SUPT3H: variants seen among roughly 807,000 people sequenced by gnomAD.
SUPT3H encodes transcription initiation protein SPT3 homolog.
A neutral mutation model predicts 44.3 loss-of-function variants in SUPT3H; 44 were observed. The ratio of observed to expected loss-of-function variants is 0.99; its 90% CI spans 0.78 to 1.28. SUPT3H has a LOEUF of 1.28. Among genes scored for constraint, SUPT3H ranks in the 50% most tolerant of loss-of-function variants. The pLI, the probability that SUPT3H is intolerant of heterozygous loss-of-function variation, is 0.00. For synonymous variants in SUPT3H, 124 were observed against 125.6 expected, an observed-to-expected ratio of 0.99 and a Z score of 0.09; for missense variants, 380 against 387.1, an observed-to-expected ratio of 0.98 and a Z score of 0.15.
At position 45,333,929 on chromosome 6, in the gene SUPT3H, C is replaced by T. The variant is rs1262712814; in HGVS notation, c.101+31272G>A. 3.3e-5 allele frequency among the ~76,000 whole-genome samples: 5 copies of T among 151,152 alleles called. No homozygotes were observed. In the East Asian group the frequency reaches 5.8e-4, roughly 18 times the overall value. ...GATTTTCATCTTTTAAATCAACTGC[C>T]CACAAAACAAGGAAATCTCTGACAT... On this transcript the variant is annotated intron_variant, in intron 2 of 10. Coordinates refer to ENST00000371459, the MANE Select transcript of SUPT3H (RefSeq NM_003599.4).
At chr6:45,359,533 G>GA (rs1793858004) in intron 2 of SUPT3H, among the ~76,000 whole-genome samples, 3 of 152,000 alleles carry the variant, frequency 2.0e-5, no homozygotes, top group African/African-American at 4.8e-5. Context: ...ATTTAACAGT[G>GA]AAAAAACACA....
rs1788657050 is a variant in SUPT3H at position 45,042,272 on chromosome 6, A to T, written c.187-21640T>A. Among the ~76,000 whole-genome samples, 7 of 152,200 alleles carry T rather than the reference A, an allele frequency of 4.6e-5. No individual in the cohort carries two copies. The South Asian group carries it at 1.2e-3, about 27-fold the overall frequency. ...ATCCTGTCTCTACTAAAAATAAAAAAATTAGCTGGGCATTTTGGCAGGCAC... is the reference window on the plus strand; with the variant it reads ...ATCCTGTCTCTACTAAAAATAAAAATATTAGCTGGGCATTTTGGCAGGCAC... On this transcript the variant is annotated intron_variant, in intron 3 of 10. Coordinates refer to ENST00000371459, the MANE Select transcript of SUPT3H (RefSeq NM_003599.4).
intron 2 of SUPT3H, among the ~76,000 whole-genome samples, chr6:45,185,467 G>A (rs1441259390): frequency 1.3e-5 from 2 of 152,166 alleles, no homozygotes; most frequent in Non-Finnish European, 2.9e-5. Flanking sequence ...CAAAAATAAA[G>A]TGGGAGGAGT....
In SUPT3H at chr6:44,928,634, G is replaced by A. The variant is rs555189084; in HGVS notation, c.912+4019C>T. On this transcript the variant is annotated intron_variant, in intron 10 of 10. Coordinates refer to ENST00000371459, the MANE Select transcript of SUPT3H (RefSeq NM_003599.4). ...ACAAGGGCCGGGCGCGGTGGCTCAC[G>A]CCTGTAATCCCAGCACTTTGGGAGG... Among the ~76,000 whole-genome samples the A allele has an allele frequency of 1.8e-3, 279 of 151,970 alleles. 1 individual carries two copies. The highest frequency in any genetic ancestry group is 6.2e-3 in the African/African-American group (255 of 41,462).
At chr6:44,886,365 G>C (rs1350189413) in intron 10 of SUPT3H, among the ~76,000 whole-genome samples, 2 of 152,124 alleles carry the variant, frequency 1.3e-5, no homozygotes, top group African/African-American at 4.8e-5. Context: ...GGCAGCCAGA[G>C]AGAAAGGTCG....
At chr6:45,115,703 A>G (rs959303896) in intron 2 of SUPT3H, among the ~76,000 whole-genome samples, 1 of 152,178 alleles carries the variant, frequency 6.6e-6, no homozygotes, top group Non-Finnish European at 1.5e-5. Context: ...AGTTTCTAAC[A>G]ATGACATGAT....
intron 2 of SUPT3H, among the ~76,000 whole-genome samples, chr6:45,268,730 A>C (rs1342686355): frequency 6.6e-6 from 1 of 152,214 alleles, no homozygotes; most frequent in Non-Finnish European, 1.5e-5. Context: ...ATAACTATTC[A>C]ACAAAACTAA....
At chr6:45,177,032 G>A (rs1023317579) in intron 2 of SUPT3H, among the ~76,000 whole-genome samples, 25 of 152,128 alleles carry the variant, frequency 1.6e-4, no homozygotes, top group African/African-American at 5.3e-4. Flanking sequence ...CCAAAGGAAC[G>A]CAGTTCCTCA....
chr6:45,217,518 G>C (rs1295188180), intron 2 of SUPT3H, among the ~76,000 whole-genome samples: 1 of 151,776 alleles, frequency 6.6e-6, no homozygotes, highest in Non-Finnish European at 1.5e-5. Context: ...GATGACATCA[G>C]TAGACTAGAA....
In SUPT3H at chr6:44,953,336, A is replaced by G; in HGVS notation, c.775T>C (p.Phe259Leu). 6.2e-7 allele frequency: 1 copy of G among 1,614,092 alleles called. No homozygotes were observed. The highest frequency in any genetic ancestry group is 8.5e-7 in the Non-Finnish European group (1 of 1,179,950). The change falls in exon 9 of 11, where the codon TTC becomes CTC. Residue 259 changes from phenylalanine to leucine, a missense_variant. By Grantham distance (22) the Phe-to-Leu change is conservative. Transcript: ENST00000371459. ...DPFSHAISATFIQYHNSAEST... is the reference protein window; with the variant it reads ...DPFSHAISATLIQYHNSAEST... ...TCAGCAGAGTTGTGATACTGAATGA[A>G]GGTTGCAGAAATGGCATGGCTGAAG...
intron 10 of SUPT3H, among the ~76,000 whole-genome samples, chr6:44,909,622 T>A (rs1015563860): frequency 6.6e-6 from 1 of 152,184 alleles, no homozygotes; most frequent in Admixed American, 6.5e-5. Flanking sequence ...ACTTTTATTA[T>A]CTCCTTTAAC....
chr6:44,900,809 T>C lies in SUPT3H; in HGVS notation c.912+31844A>G, dbSNP rs887320753. On this transcript the variant is annotated intron_variant, in intron 10 of 10. Coordinates refer to ENST00000371459, the MANE Select transcript of SUPT3H (RefSeq NM_003599.4). ...ACTGACACCTCACACGGCCGGGTAC[T>C]CCCCTGAGACAAAACTTCCAGAGGA... 2.6e-5 allele frequency among the ~76,000 whole-genome samples: 4 copies of C among 152,234 alleles called. No individual in the cohort carries two copies. The South Asian group carries it at 8.3e-4, about 32-fold the overall frequency.
intron 2 of SUPT3H, chr6:45,321,829 T>C (rs761727707): frequency 2.5e-6 from 4 of 1,606,352 alleles, no homozygotes; most frequent in African/African-American, 1.3e-5. Context: ...AAGGATATTG[T>C]GATAACAATA....
At position 45,208,895 on chromosome 6, in the gene SUPT3H, G is replaced by A. The variant is rs542112265; in HGVS notation, c.102-102889C>T. Among the ~76,000 whole-genome samples, 4 of 37,976 alleles carry A rather than the reference G, an allele frequency of 1.1e-4. No homozygotes were observed. In the South Asian group the frequency reaches 3.3e-3, roughly 31 times the overall value. 24.9% of individuals were successfully genotyped at this position (37,976 alleles called of 152,430 possible). ...CATGAGGCTGATGACTTACCCTCTT[G>A]TTAGGGGCTCATGAGGCTGATGACT... On this transcript the variant is annotated intron_variant, in intron 2 of 10. Coordinates refer to ENST00000371459, the MANE Select transcript of SUPT3H (RefSeq NM_003599.4).
chr6:45,092,706 T>A (rs1421881323), intron 3 of SUPT3H, among the ~76,000 whole-genome samples: 1 of 140,140 alleles, frequency 7.1e-6, no homozygotes, highest in Non-Finnish European at 1.5e-5. Flanking sequence ...GCTGAGATTG[T>A]GCCATCGCAC....
At chr6:45,045,074 T>A (rs1041332) in intron 3 of SUPT3H, among the ~76,000 whole-genome samples, 89,782 of 151,896 alleles carry the variant, frequency 0.59, 27,655 homozygotes, top group African/African-American at 0.78. Flanking sequence ...AACCTCATCA[T>A]GACTCATGGG....
intron 6 of SUPT3H, among the ~76,000 whole-genome samples, chr6:44,975,639 G>A (rs1002569805): frequency 3.4e-3 from 30 of 8,742 alleles, no homozygotes; most frequent in African/African-American, 0.027. Context: ...TACACTGCTC[G>A]GGTTACAGTG....
At chr6:44,816,451 A>G (rs1431580476) in intron 11 of SUPT3H, among the ~76,000 whole-genome samples, 4 of 152,192 alleles carry the variant, frequency 2.6e-5, no homozygotes, top group African/African-American at 9.7e-5. Context: ...AGATAACCTT[A>G]TATCTATCTA....
chr6:45,165,041 A>G (rs1019985210), intron 2 of SUPT3H, among the ~76,000 whole-genome samples: 2 of 151,986 alleles, frequency 1.3e-5, no homozygotes, highest in African/African-American at 4.8e-5. Flanking sequence ...GGGCCCACCT[A>G]AGATTAAGGT....
Sources: allele counts gnomAD v4.1 joint callset (sites outside exome capture counted in the v4.1 genomes callset), GRCh38; gene constraint gnomAD v4.1.1; transcripts MANE v1.5; gene names NCBI Gene and HGNC (gene_info 2026-07-23, HGNC 2026-07-21).